The following SLC26A5 variants were observed in gnomAD, a reference collection of about 807,000 sequenced individuals.
SLC26A5 encodes prestin.
In SLC26A5, 51 loss-of-function variants were observed where a neutral mutation model predicts 81.0. The observed-to-expected ratio is 0.63, with a 90% confidence interval of 0.50 to 0.80. The LOEUF is 0.80. Ranked by LOEUF, SLC26A5 falls within the 30% of genes least tolerant of loss-of-function variation. The pLI is 0.00. For missense variants in SLC26A5, 771 were observed against 905.8 expected, an observed-to-expected ratio of 0.85 and a Z score of 1.91; for synonymous variants, 325 against 332.8, an observed-to-expected ratio of 0.98 and a Z score of 0.25.
rs1442742645 is a variant in SLC26A5, at chr7:103,429,644, A to G, written c.-53-8077T>C. Among the ~76,000 whole-genome samples, 3 of 152,354 alleles carry G rather than the reference A, an allele frequency of 2.0e-5. No individual in the cohort carries two copies. The East Asian group carries it at 5.8e-4, about 29-fold the overall frequency. The stretch of plus-strand genomic sequence containing the variant: ...ATTATCTATCTGTTTTCCCTTATTA[A>G]CTATCATTGATTAATTATAGTGGCT... On this transcript the variant is annotated intron_variant, in intron 2 of 19. Transcript: ENST00000306312.
At chr7:103,444,764 A>C (rs956865193) in intron 1 of SLC26A5, among the ~76,000 whole-genome samples, 3 of 152,202 alleles carry the variant, frequency 2.0e-5, no homozygotes, top group African/African-American at 7.2e-5. Context: ...GAGTGCACTT[A>C]AGATATGAGC....
chr7:103,401,030 T>A (rs770840656), intron 8 of SLC26A5, among the ~76,000 whole-genome samples: 30 of 152,334 alleles, frequency 2.0e-4, no homozygotes, highest in Middle Eastern at 6.8e-3. Flanking sequence ...CTTAGGATTG[T>A]CTTGGCTATG....
At chr7:103,412,375 T>C (rs1165152253) in intron 5 of SLC26A5, among the ~76,000 whole-genome samples, 3 of 152,040 alleles carry the variant, frequency 2.0e-5, no homozygotes, top group Admixed American at 2.0e-4. Flanking sequence ...AGTACTACCA[T>C]TAGTATAAAA....
intron 9 of SLC26A5, among the ~76,000 whole-genome samples, chr7:103,395,580 A>G (rs984460864): frequency 5.6e-5 from 8 of 143,236 alleles, no homozygotes; most frequent in Non-Finnish European, 1.0e-4. Flanking sequence ...CTAGAATGCC[A>G]TGGCGTGATC....
At chr7:103,363,270 G>A (rs1820518127) in intron 19 of SLC26A5, 2 of 1,197,482 alleles carry the variant, frequency 1.7e-6, no homozygotes, top group Non-Finnish European at 1.2e-6. Context: ...AAGGTATTAG[G>A]TCTATTCTAT....
rs760993841 is a variant in SLC26A5, at chr7:103,378,484, C to T, written c.1747G>A (p.Gly583Arg). 19 of 1,614,140 alleles carry T rather than the reference C, an allele frequency of 1.2e-5. No individual in the cohort carries two copies. The highest frequency in any genetic ancestry group is 2.2e-5 in the South Asian group (2 of 91,080). Residue 583 changes from glycine to arginine, a missense_variant, in exon 17 of 20, where the codon GGA (glycine) becomes AGA (arginine). Coordinates refer to ENST00000306312, the MANE Select transcript of SLC26A5 (RefSeq NM_198999.3). ...KAMRKYAKEV[G>R]NANMANATVV... ...GTTGCGTTGGCCATATTTGCATTTC[C>T]GACTTCCTTAGCGTACTTCCGCATG...
chr7:103,378,378 C>T (rs1308874011), intron 17 of SLC26A5, 68 bp downstream of exon 17: 1 of 1,452,776 alleles, frequency 6.9e-7, no homozygotes, highest in Non-Finnish European at 9.7e-7. Flanking sequence ...AAACTTCAGT[C>T]ATGAGTAAAG....
Position 103,419,817 on chromosome 7 carries a change from C to T in SLC26A5, c.292+921G>A, listed in dbSNP as rs558426389. On this transcript the variant is annotated intron_variant, in intron 4 of 19. Transcript: ENST00000306312. ...CCTTCCAAAGTGCTGGGATTACAGG[C>T]GTAAGCCACCACAGCCGGCCCTAGA... Among the ~76,000 whole-genome samples the T allele has an allele frequency of 1.7e-4, 26 of 152,136 alleles. No individual in the cohort carries two copies. The East Asian group carries it at 4.3e-3, about 25-fold the overall frequency.
At position 103,443,151 on chromosome 7, in the gene SLC26A5, T is replaced by G. The variant is rs1827002411; in HGVS notation, c.-122A>C. 6.6e-6 allele frequency: 1 copy of G among 152,244 alleles called. No homozygotes were observed. The highest frequency in any genetic ancestry group is 2.1e-4 in the South Asian group (1 of 4,830). 9.4% of individuals were successfully genotyped at this position (152,244 alleles called of 1,614,324 possible). On this transcript the variant is annotated 5_prime_UTR_variant, in exon 2 of 20. Transcript: ENST00000306312. ...TCCCCCGCTGGGAGCTCCAGTGCAG[T>G]TCACTGAAGCCTTGATCACTGAGGC...
intron 2 of SLC26A5, among the ~76,000 whole-genome samples, chr7:103,439,168 T>G (rs1826682283): frequency 6.6e-6 from 1 of 152,158 alleles, no homozygotes; most frequent in Non-Finnish European, 1.5e-5. Context: ...AGACTTATCT[T>G]CAGGGCAACA....
At chr7:103,373,844 T>C (rs1163450678), downstream of SLC26A5, among the ~76,000 whole-genome samples, 1 of 152,214 alleles carries the variant, frequency 6.6e-6, no homozygotes, top group Admixed American at 6.5e-5. Context: ...AATCTCTGAG[T>C]GGTGGAAATA....
intron 19 of SLC26A5, among the ~76,000 whole-genome samples, chr7:103,359,093 C>T (rs1820211497): frequency 6.7e-6 from 1 of 149,598 alleles, no homozygotes; most frequent in Non-Finnish European, 1.5e-5. Context: ...CCACCTCAGC[C>T]TCCCAAGTGG....
intron 2 of SLC26A5, among the ~76,000 whole-genome samples, chr7:103,432,059 G>T (rs1826119920): frequency 6.6e-6 from 1 of 152,056 alleles, no homozygotes. Context: ...AACACTACAG[G>T]TGCATGCCAC....
At chr7:103,386,269 T>C (rs1822186636) in intron 14 of SLC26A5, among the ~76,000 whole-genome samples, 1 of 151,674 alleles carries the variant, frequency 6.6e-6, no homozygotes. Context: ...TGCTGGACTT[T>C]AAAATTTATG....
intron 14 of SLC26A5, among the ~76,000 whole-genome samples, chr7:103,387,104 T>C (rs1485723436): frequency 6.6e-6 from 1 of 152,220 alleles, no homozygotes; most frequent in East Asian, 1.9e-4. Context: ...ACCAAAGTTC[T>C]GAGATAAAGA....
At chr7:103,362,196 A>G in intron 19 of SLC26A5, 1 of 1,543,026 alleles carries the variant, frequency 6.5e-7, no homozygotes, top group Non-Finnish European at 8.7e-7. Context: ...TTGGAATACC[A>G]AAGGATGATC....
intron 2 of SLC26A5, among the ~76,000 whole-genome samples, chr7:103,433,071 T>G (rs1826193758): frequency 6.6e-6 from 1 of 152,170 alleles, no homozygotes; most frequent in Non-Finnish European, 1.5e-5. Context: ...TGGTTAGAGT[T>G]TGCCTAATAC....
chr7:103,374,736 G>A (rs1821232060), intron 19 of SLC26A5, 144 bp from the exon 20 acceptor site: 10 of 774,068 alleles, frequency 1.3e-5, no homozygotes, highest in Non-Finnish European at 2.0e-5. Flanking sequence ...GTCTCACTCT[G>A]TCACCCAGGC....
chr7:103,366,035 T>C (rs970364877), intron 19 of SLC26A5: 3 of 1,515,690 alleles, frequency 2.0e-6, no homozygotes, highest in Admixed American at 1.8e-5. Flanking sequence ...TTAAAATATT[T>C]TGAAACCAAT....
Sources: gnomAD v4.1 joint callset for allele counts (sites outside exome capture counted in the v4.1 genomes callset) on GRCh38, gnomAD v4.1.1 for gene constraint, MANE v1.5 for transcripts, NCBI Gene and HGNC (gene_info 2026-07-23, HGNC 2026-07-21) for gene names.